The following CLDN10 variants were observed in gnomAD, a reference collection of about 807,000 sequenced individuals.
CLDN10 encodes claudin-10.
CLDN10 carries 15 observed loss-of-function variants against 22.9 expected under a neutral mutation model. That is an observed-to-expected ratio of 0.65 (90% confidence interval 0.44 to 1.01). The LOEUF (loss-of-function observed/expected upper bound fraction) is 1.01. CLDN10 is among the 50% of genes least tolerant of loss of function. The probability of loss-of-function intolerance (pLI) is 0.00; values close to 1 mark genes in which losing one functional copy is unlikely to be tolerated. For missense variants in CLDN10, 247 were observed against 287.8 expected, an observed-to-expected ratio of 0.86 and a Z score of 1.03; for synonymous variants, 114 against 111.4, an observed-to-expected ratio of 1.02 and a Z score of -0.15.
intron 1 of CLDN10, among the ~76,000 whole-genome samples, chr13:95,537,311 C>T (rs2043410862): frequency 6.6e-6 from 1 of 152,034 alleles, no homozygotes. Context: ...TGTTTTGTTG[C>T]CAGAGCTGGA....
chr13:95,483,089 G>A (rs1017133611), intron 1 of CLDN10, among the ~76,000 whole-genome samples: 5 of 152,246 alleles, frequency 3.3e-5, no homozygotes, highest in South Asian at 2.1e-4. Flanking sequence ...AGAAAGTGAC[G>A]CTGCCCGTCC....
chr13:95,537,291 G>A (rs2043410367), intron 1 of CLDN10, among the ~76,000 whole-genome samples: 2 of 152,102 alleles, frequency 1.3e-5, no homozygotes, highest in African/African-American at 4.8e-5. Flanking sequence ...TGGGGGGGTT[G>A]TTGGTTATTT....
chr13:95,546,339 A>G (rs2043509421), intron 1 of CLDN10, among the ~76,000 whole-genome samples: 1 of 152,122 alleles, frequency 6.6e-6, no homozygotes, highest in Non-Finnish European at 1.5e-5. Context: ...TTCCAGAGCA[A>G]GTGACTTAAT....
intron 1 of CLDN10, among the ~76,000 whole-genome samples, chr13:95,523,876 C>A (rs2043247845): frequency 6.6e-6 from 1 of 152,212 alleles, no homozygotes; most frequent in Admixed American, 6.5e-5. Context: ...GACCTCTACA[C>A]ATGAGATGAC....
chr13:95,447,581 G>A (rs2042392951), intron 1 of CLDN10, among the ~76,000 whole-genome samples: 2 of 152,124 alleles, frequency 1.3e-5, no homozygotes, highest in South Asian at 2.1e-4. Flanking sequence ...TGTTCTGGAC[G>A]CTATTGATCT....
rs866131288 is a variant in CLDN10 at position 95,567,920 on chromosome 13, C to A, written c.464+7457C>A. ...TTGGTTCTGTTTATGTGATGGATTA[C>A]GTTTATTGATTTGCATGTGAACAAC... On this transcript the variant is annotated intron_variant, in intron 3 of 4. Transcript: ENST00000299339. Among the ~76,000 whole-genome samples, 7 of 152,230 alleles carry A rather than the reference C, an allele frequency of 4.6e-5. No individual in the cohort carries two copies. In the South Asian group the frequency reaches 1.5e-3, roughly 32 times the overall value.
chr13:95,436,178 T>A (rs565547030), intron 1 of CLDN10, among the ~76,000 whole-genome samples: 1 of 152,214 alleles, frequency 6.6e-6, no homozygotes, highest in East Asian at 1.9e-4. Flanking sequence ...CTTAACACTT[T>A]CTTATTTTTT....
chr13:95,484,674 C>A, intron 1 of CLDN10, among the ~76,000 whole-genome samples: 1 of 125,160 alleles, frequency 8.0e-6, no homozygotes, highest in Non-Finnish European at 1.6e-5. Flanking sequence ...GAAACCCCGT[C>A]TCTACTAAAA....
Position 95,497,682 on chromosome 13 carries a change from G to T in CLDN10, c.215-62450G>T, listed in dbSNP as rs867376438. 1.1e-4 allele frequency among the ~76,000 whole-genome samples: 17 copies of T among 152,320 alleles called. No homozygotes were observed. In the Middle Eastern group the frequency reaches 0.01, roughly 91 times the overall value. On this transcript the variant is annotated intron_variant, in intron 1 of 4. Transcript: ENST00000376873. ...GTCCCCTGCAATTTCAGGGGCTTAA[G>T]TGGTCCCTTTATGTAACAGGCAAAG...
intron 1 of CLDN10, among the ~76,000 whole-genome samples, chr13:95,443,506 C>T (rs1423144335): frequency 2.6e-5 from 4 of 151,908 alleles, no homozygotes; most frequent in East Asian, 3.9e-4. Flanking sequence ...TGGCATGGCA[C>T]GCGAGACCAC....
intron 1 of CLDN10, among the ~76,000 whole-genome samples, chr13:95,459,951 C>G (rs2042519371): frequency 6.6e-6 from 1 of 152,194 alleles, no homozygotes; most frequent in Admixed American, 6.5e-5. Context: ...ACCCAAGTTA[C>G]CTCTTGAACA....
intron 1 of CLDN10, among the ~76,000 whole-genome samples, chr13:95,529,702 G>A (rs1281059453): frequency 6.6e-6 from 1 of 152,204 alleles, no homozygotes; most frequent in East Asian, 1.9e-4. Context: ...TTGTCTACAT[G>A]AAGTGTGCAA....
In CLDN10 at chr13:95,506,111, A is replaced by G. The variant is rs567902091; in HGVS notation, c.215-54021A>G. 1.3e-3 allele frequency among the ~76,000 whole-genome samples: 199 copies of G among 152,260 alleles called. 1 individual carries two copies. Among genetic ancestry groups the G allele is most frequent in the Middle Eastern group, 3.4e-3 (1 of 294 alleles). ...GTTAGGGAATTCAACCTCACTGCTT[A>G]ATGCCCCACCTTAGGAATGTCTGCA... On this transcript the variant is annotated intron_variant, in intron 1 of 4. Transcript: ENST00000376873.
At chr13:95,568,954 GTTAC>G (rs2043820729) in intron 3 of CLDN10, among the ~76,000 whole-genome samples, 1 of 152,072 alleles carries the variant, frequency 6.6e-6, no homozygotes, top group South Asian at 2.1e-4. Context: ...CTTTGAAGAA[GTTAC>G]TTACCCTTTC....
At chr13:95,434,694 C>T (rs11620473) in intron 1 of CLDN10, among the ~76,000 whole-genome samples, 86,373 of 151,646 alleles carry the variant, frequency 0.57, 26,739 homozygotes, top group African/African-American at 0.83. Flanking sequence ...AACTGGCAAA[C>T]GATGGCAAAT....
chr13:95,471,440 C>CACATATATATATATAT (rs746573300), intron 1 of CLDN10, among the ~76,000 whole-genome samples: 7 of 104,404 alleles, frequency 6.7e-5, no homozygotes, highest in Non-Finnish European at 5.6e-5. Flanking sequence ...CACACACACA[C>CACATATATATATATAT]ATATATATAT....
At chr13:95,497,822 G>T (rs1014550546) in intron 1 of CLDN10, among the ~76,000 whole-genome samples, 1 of 152,116 alleles carries the variant, frequency 6.6e-6, no homozygotes, top group Admixed American at 6.5e-5. Context: ...CTGAATACTA[G>T]AAAGGGGAAT....
chr13:95,477,460 A>G (rs1202523871), intron 1 of CLDN10, among the ~76,000 whole-genome samples: 5 of 152,116 alleles, frequency 3.3e-5, no homozygotes, highest in Admixed American at 2.6e-4. Flanking sequence ...TGAAAAGCAT[A>G]TCACCCGGAG....
At chr13:95,507,488 A>T (rs752466449) in intron 1 of CLDN10, among the ~76,000 whole-genome samples, 2 of 152,118 alleles carry the variant, frequency 1.3e-5, no homozygotes, top group Admixed American at 1.3e-4. Flanking sequence ...TAGAGTGATT[A>T]TAAAGACGAT....
Sources: gnomAD v4.1 joint callset for allele counts (sites outside exome capture counted in the v4.1 genomes callset) on GRCh38, gnomAD v4.1.1 for gene constraint, MANE v1.5 for transcripts, NCBI Gene and HGNC (gene_info 2026-07-23, HGNC 2026-07-21) for gene names.